The following PDE10A variants were observed in gnomAD, a reference collection of about 807,000 sequenced individuals.
The protein encoded by PDE10A is phosphodiesterase 10A, also known as cAMP and cAMP-inhibited cGMP 3',5'-cyclic phosphodiesterase 10A.
PDE10A carries 39 observed loss-of-function variants against 97.7 expected under a neutral mutation model. The observed-to-expected ratio is 0.40, with a 90% CI of 0.31 to 0.52. The LOEUF is 0.52. Ranked by LOEUF, PDE10A falls within the 20% of genes least tolerant of loss-of-function variation. The pLI, the probability that PDE10A is intolerant of heterozygous loss-of-function variation, is 0.56. For synonymous variants in PDE10A, 371 were observed against 376.8 expected (o/e 0.98, Z 0.18); for missense variants, 731 against 1,047.8 (o/e 0.70, Z 4.17).
intron 2 of PDE10A, among the ~76,000 whole-genome samples, chr6:165,528,082 G>A (rs909597165): frequency 2.0e-5 from 3 of 152,204 alleles, no homozygotes; most frequent in East Asian, 3.8e-4. Flanking sequence ...GATTATATAC[G>A]GATTCATGGA....
chr6:165,533,891 T>A (rs1311853662), intron 2 of PDE10A, among the ~76,000 whole-genome samples: 1 of 152,162 alleles, frequency 6.6e-6, no homozygotes, highest in Non-Finnish European at 1.5e-5. Context: ...ACATTATTCG[T>A]GATAATATGA....
At chr6:165,436,354 G>A (rs1790015968) in intron 5 of PDE10A, among the ~76,000 whole-genome samples, 1 of 152,140 alleles carries the variant, frequency 6.6e-6, no homozygotes, top group South Asian at 2.1e-4. Context: ...TATCAGGTAT[G>A]TGGTTTTTAA....
At chr6:165,867,146 A>T (rs1781077161) in intron 1 of PDE10A, among the ~76,000 whole-genome samples, 1 of 151,938 alleles carries the variant, frequency 6.6e-6, no homozygotes. Context: ...TAATTAAGAA[A>T]GTGTAGGAGT....
chr6:165,465,967 T>A lies in PDE10A; in HGVS notation c.1024-15605A>T, dbSNP rs553272396. On this transcript the variant is annotated intron_variant, in intron 3 of 21. Coordinates refer to ENST00000539869, the MANE Select transcript of PDE10A (RefSeq NM_001385079.1). ...CAGGAGGAAGTACTAAAAGAGAGGGTAGCAGAGGAACAAGCAGGGCATGAG... is the reference window on the plus strand; with the variant it reads ...CAGGAGGAAGTACTAAAAGAGAGGGAAGCAGAGGAACAAGCAGGGCATGAG... Among the ~76,000 whole-genome samples, 371 of 151,622 alleles carry A rather than the reference T, an allele frequency of 2.4e-3. 2 individuals are homozygous for A. The highest frequency in any genetic ancestry group is 8.5e-3 in the African/African-American group (350 of 41,386).
intron 1 of PDE10A, among the ~76,000 whole-genome samples, chr6:165,613,116 C>T (rs1787572999): frequency 6.6e-6 from 1 of 151,890 alleles, no homozygotes; most frequent in Non-Finnish European, 1.5e-5. Flanking sequence ...AAAACAAATC[C>T]CTTATTTTGA....
At position 165,709,519 on chromosome 6, in the gene PDE10A, C is replaced by G. The variant is rs533740747; in HGVS notation, c.-614-165951G>C. ...CCGCGCTCCCCCCAACTCTCCACCCCCATGCTGCTTCGCTCTCCCTCCCCT... is the reference window on the plus strand; with the variant it reads ...CCGCGCTCCCCCCAACTCTCCACCCGCATGCTGCTTCGCTCTCCCTCCCCT... On this transcript the variant is annotated intron_variant, in intron 1 of 19. Transcript: ENST00000366882. 2.2e-4 allele frequency among the ~76,000 whole-genome samples: 27 copies of G among 122,246 alleles called. 1 individual carries two copies. Among genetic ancestry groups the G allele is most frequent in the Middle Eastern group, 4.4e-3 (1 of 226 alleles). The allele number at this position is 122,246 out of a possible 152,430, so 80.2% of individuals were successfully genotyped here. A position where few individuals can be genotyped will look rare whatever the true frequency, so the allele number is the denominator to read the frequency against.
intron 18 of PDE10A, among the ~76,000 whole-genome samples, chr6:165,368,393 T>C (rs1207621506): frequency 6.6e-6 from 1 of 152,200 alleles, no homozygotes; most frequent in Non-Finnish European, 1.5e-5. Flanking sequence ...AATAGCTACA[T>C]ATATAACTAT....
At chr6:165,813,642 A>G (rs866134044) in intron 1 of PDE10A, among the ~76,000 whole-genome samples, 1 of 152,250 alleles carries the variant, frequency 6.6e-6, no homozygotes, top group Admixed American at 6.5e-5. Flanking sequence ...TGACCTGTTC[A>G]TAGCACAATA....
At chr6:165,473,906 C>G (rs886647263) in intron 3 of PDE10A, among the ~76,000 whole-genome samples, 3 of 152,132 alleles carry the variant, frequency 2.0e-5, no homozygotes, top group Non-Finnish European at 4.4e-5. Context: ...TTCCACAAGG[C>G]TCAGGTACTC....
At chr6:165,349,117 A>G (rs908214772) in intron 18 of PDE10A, among the ~76,000 whole-genome samples, 3 of 152,218 alleles carry the variant, frequency 2.0e-5, no homozygotes, top group African/African-American at 4.8e-5. Context: ...TTTGGAACTG[A>G]GTAACAGGCA....
At chr6:165,949,082 G>A (rs540211469) in intron 1 of PDE10A, 1 of 152,346 alleles carries the variant, frequency 6.6e-6, no homozygotes, top group Non-Finnish European at 1.5e-5. Flanking sequence ...TTTTCAAAAA[G>A]AAATAGTTTC....
At chr6:165,886,246 A>AGCCCTG (rs1562782626) in intron 1 of PDE10A, among the ~76,000 whole-genome samples, 6 of 151,132 alleles carry the variant, frequency 4.0e-5, no homozygotes, top group Non-Finnish European at 4.4e-5. Context: ...GGAGCCCTGC[A>AGCCCTG]GACCTGGAGT....
intron 12 of PDE10A, among the ~76,000 whole-genome samples, chr6:165,414,545 G>A (rs1003689799): frequency 3.3e-5 from 5 of 152,084 alleles, no homozygotes; most frequent in Admixed American, 6.5e-5. Context: ...TGGACATATC[G>A]TATTTTGTTC....
intron 1 of PDE10A, among the ~76,000 whole-genome samples, chr6:165,941,396 A>C (rs67424595): frequency 0.13 from 20,447 of 152,140 alleles, 2,005 homozygotes; most frequent in African/African-American, 0.27. Context: ...CTCTCTGTCT[A>C]AACCAGACAG....
intron 2 of PDE10A, among the ~76,000 whole-genome samples, chr6:165,517,884 A>C (rs1433841014): frequency 6.6e-6 from 1 of 152,248 alleles, no homozygotes; most frequent in Admixed American, 6.5e-5. Context: ...TGAGTTTTTA[A>C]TATATACAGC....
chr6:165,831,923 C>G (rs1779931527), intron 1 of PDE10A, among the ~76,000 whole-genome samples: 1 of 152,160 alleles, frequency 6.6e-6, no homozygotes, highest in Admixed American at 6.5e-5. Flanking sequence ...TTCTACTCCT[C>G]CAGATGTCCT....
chr6:165,635,684 C>T (rs1788841526), intron 1 of PDE10A, among the ~76,000 whole-genome samples: 1 of 151,900 alleles, frequency 6.6e-6, no homozygotes, highest in African/African-American at 2.4e-5. Context: ...AAGACAGTTT[C>T]ACGTACATAC....
At chr6:165,636,026 C>T (rs1201545725) in intron 1 of PDE10A, among the ~76,000 whole-genome samples, 2 of 152,150 alleles carry the variant, frequency 1.3e-5, no homozygotes, top group East Asian at 3.8e-4. Flanking sequence ...GGAGCCATTC[C>T]CATGACCTCT....
chr6:165,707,918 C>A (rs1791759388), intron 1 of PDE10A, among the ~76,000 whole-genome samples: 1 of 152,142 alleles, frequency 6.6e-6, no homozygotes, highest in African/African-American at 2.4e-5. Flanking sequence ...TAACCTCCTG[C>A]AGATAAGAGA....
Sources: allele counts gnomAD v4.1 joint callset (sites outside exome capture counted in the v4.1 genomes callset), GRCh38; gene constraint gnomAD v4.1.1; transcripts MANE v1.5; gene names NCBI Gene and HGNC (gene_info 2026-07-23, HGNC 2026-07-21).